Variants in CFAP54 observed in about 807,000 individuals in gnomAD.
CFAP54 encodes the protein cilia- and flagella-associated protein 54.
Under a neutral mutation model 370.4 loss-of-function variants are expected in CFAP54, and 290 were observed. The observed-to-expected ratio is 0.78, with a 90% CI of 0.71 to 0.86. The LOEUF (loss-of-function observed/expected upper bound fraction) is 0.86. Among genes scored for constraint, CFAP54 ranks in the 40% least tolerant of loss-of-function variants. CFAP54 has a pLI of 0.00. For synonymous variants in CFAP54, 1,206 were observed against 1,236.5 expected, an observed-to-expected ratio of 0.98 and a Z score of 0.52; for missense variants, 3,399 against 3,528.7, an observed-to-expected ratio of 0.96 and a Z score of 0.93.
chr12:96,704,491 TA>T (rs1957526928), intron 46 of CFAP54, among the ~76,000 whole-genome samples: 1 of 119,632 alleles, frequency 8.4e-6, no homozygotes, highest in Non-Finnish European at 1.7e-5. Context: ...TATATATATA[TA>T]TATATATATT....
intron 25 of CFAP54, among the ~76,000 whole-genome samples, chr12:96,594,868 AG>A (rs1161287526): frequency 6.6e-6 from 1 of 152,142 alleles, no homozygotes; most frequent in East Asian, 1.9e-4. Flanking sequence ...TTACAGAAAA[AG>A]GGTAGCTGAG....
intron 60 of CFAP54, among the ~76,000 whole-genome samples, chr12:96,770,512 G>GT (rs1958450548): frequency 6.6e-6 from 1 of 152,214 alleles, no homozygotes; most frequent in Non-Finnish European, 1.5e-5. Flanking sequence ...AACATTCTTA[G>GT]AAGAGCACAG....
chr12:96,673,780 A>G (rs1483140421), intron 39 of CFAP54, among the ~76,000 whole-genome samples: 1 of 152,312 alleles, frequency 6.6e-6, no homozygotes, highest in African/African-American at 2.4e-5. Flanking sequence ...GCATAATGGC[A>G]TTTAGTGGTG....
At chr12:96,556,600 C>G (rs1005182387) in intron 17 of CFAP54, among the ~76,000 whole-genome samples, 2 of 152,026 alleles carry the variant, frequency 1.3e-5, no homozygotes. Flanking sequence ...GTCACATGCA[C>G]ATGTATGTTC....
At chr12:96,692,761 C>A (rs970851977) in intron 44 of CFAP54, among the ~76,000 whole-genome samples, 1 of 152,152 alleles carries the variant, frequency 6.6e-6, no homozygotes, top group Admixed American at 6.6e-5. Context: ...TTAACCTTCT[C>A]CAGAAGAAGC....
chr12:96,660,260 G>A (rs1956978251), intron 38 of CFAP54, among the ~76,000 whole-genome samples: 1 of 152,190 alleles, frequency 6.6e-6, no homozygotes, highest in Non-Finnish European at 1.5e-5. Flanking sequence ...CTGAAGTGTA[G>A]CAAACAAGGG....
chr12:96,684,870 C>T, intron 41 of CFAP54, 135 bp downstream of exon 41: 1 of 935,902 alleles, frequency 1.1e-6, no homozygotes, highest in Non-Finnish European at 1.6e-6. Flanking sequence ...TTTTATTCAT[C>T]AAATGCTACC....
intron 67 of CFAP54, among the ~76,000 whole-genome samples, chr12:96,869,813 T>C (rs746128246): frequency 2.6e-5 from 4 of 150,988 alleles, no homozygotes; most frequent in Non-Finnish European, 4.4e-5. Flanking sequence ...TGCATGCCTG[T>C]AATCCCAGCT....
At chr12:96,729,518 G>C (rs895404930) in intron 50 of CFAP54, among the ~76,000 whole-genome samples, 3 of 152,332 alleles carry the variant, frequency 2.0e-5, no homozygotes, top group East Asian at 3.9e-4. Context: ...CTCCTGGTGC[G>C]CTGTTTCCTA....
At chr12:96,825,294 A>G (rs1181334338) in intron 65 of CFAP54, among the ~76,000 whole-genome samples, 1 of 129,024 alleles carries the variant, frequency 7.8e-6, no homozygotes, top group Non-Finnish European at 1.6e-5. Flanking sequence ...TATATAATAT[A>G]ATATATTATA....
At chr12:96,587,493 T>C (rs1040755237) in intron 22 of CFAP54, among the ~76,000 whole-genome samples, 5 of 152,212 alleles carry the variant, frequency 3.3e-5, no homozygotes, top group Non-Finnish European at 7.3e-5. Context: ...TCAGCCCCTC[T>C]AAAATCTGTT....
chr12:96,742,646 G>A, intron 52 of CFAP54, 60 bp downstream of exon 52: 1 of 1,401,940 alleles, frequency 7.1e-7, no homozygotes, highest in Non-Finnish European at 9.8e-7. Context: ...GGTGAAGAGG[G>A]GTTTATTGGG....
chr12:96,611,131 AC>A (rs1005162873), intron 26 of CFAP54, among the ~76,000 whole-genome samples: 2 of 151,978 alleles, frequency 1.3e-5, no homozygotes, highest in Admixed American at 6.6e-5. Context: ...ACTGGGAGGC[AC>A]CCCCCAGTAG....
At chr12:96,742,341 G>T in intron 51 of CFAP54, 98 bp from the exon 52 acceptor site, 1 of 765,396 alleles carries the variant, frequency 1.3e-6, no homozygotes. Flanking sequence ...ACTGTGGAAT[G>T]ATACCAGATG....
chr12:96,527,802 A>G (rs1486783176), intron 9 of CFAP54, among the ~76,000 whole-genome samples: 2 of 152,118 alleles, frequency 1.3e-5, no homozygotes, highest in Non-Finnish European at 2.9e-5. Flanking sequence ...CTCCTGGGAC[A>G]AGCAGTCCAC....
At chr12:96,806,290 A>G (rs912326288) in intron 63 of CFAP54, among the ~76,000 whole-genome samples, 1 of 147,726 alleles carries the variant, frequency 6.8e-6, no homozygotes, top group Non-Finnish European at 1.5e-5. Context: ...GTCCAAGGCA[A>G]AGTATTCAAA....
chr12:96,611,637 G>GA (rs896645706), intron 26 of CFAP54, among the ~76,000 whole-genome samples: 61 of 152,210 alleles, frequency 4.0e-4, no homozygotes, highest in Admixed American at 3.7e-3. Flanking sequence ...TAAAAACCTT[G>GA]AAAAAAGATT....
At chr12:96,874,227 T>A (rs1960233724) in intron 67 of CFAP54, among the ~76,000 whole-genome samples, 4 of 152,200 alleles carry the variant, frequency 2.6e-5, no homozygotes, top group Admixed American at 2.0e-4. Context: ...CAGGGGCACA[T>A]TGACACTCCC....
chr12:96,517,853 G>A (rs1345079769), intron 5 of CFAP54, among the ~76,000 whole-genome samples: 1 of 152,160 alleles, frequency 6.6e-6, no homozygotes, highest in Non-Finnish European at 1.5e-5. Flanking sequence ...AAGTGCTTGG[G>A]GATATTTACC....
Sources: gnomAD v4.1 joint callset for allele counts (sites outside exome capture counted in the v4.1 genomes callset) on GRCh38, gnomAD v4.1.1 for gene constraint, MANE v1.5 for transcripts, NCBI Gene and HGNC (gene_info 2026-07-23, HGNC 2026-07-21) for gene names.